PDE1A: variants seen among roughly 807,000 people sequenced by gnomAD.
PDE1A encodes phosphodiesterase 1A.
Under a neutral mutation model 61.7 loss-of-function variants are expected in PDE1A, and 35 were observed. That is an observed-to-expected ratio of 0.57 (90% CI 0.43 to 0.75). The LOEUF (loss-of-function observed/expected upper bound fraction) is 0.75, where lower values mean the gene tolerates loss of function less well. Ranked by LOEUF, PDE1A falls within the 30% of genes least tolerant of loss-of-function variation. The pLI, the probability that PDE1A is intolerant of heterozygous loss-of-function variation, is 0.00. For synonymous variants in PDE1A, 232 were observed against 213.2 expected (o/e 1.09, Z -0.77); for missense variants, 597 against 630.6 (o/e 0.95, Z 0.57).
intron 10 of PDE1A, among the ~76,000 whole-genome samples, chr2:182,191,916 C>T (rs1431997407): frequency 2.6e-5 from 4 of 151,084 alleles, no homozygotes; most frequent in Admixed American, 6.6e-5. Flanking sequence ...AGTGCAATGG[C>T]GCAATCTTGG....
chr2:182,388,369 A>T (rs987491006), intron 1 of PDE1A, among the ~76,000 whole-genome samples: 1 of 152,300 alleles, frequency 6.6e-6, no homozygotes, highest in Middle Eastern at 3.4e-3. Context: ...ACTGCAAAAT[A>T]CACATTCTTC....
At chr2:182,215,997 C>G (rs1166633590) in intron 7 of PDE1A, among the ~76,000 whole-genome samples, 1 of 96,764 alleles carries the variant, frequency 1.0e-5, no homozygotes, top group Non-Finnish European at 2.0e-5. Flanking sequence ...CCTTGATGAA[C>G]ATTGATGCAA....
At chr2:182,157,521 T>C (rs1459143301) in intron 13 of PDE1A, among the ~76,000 whole-genome samples, 1 of 152,220 alleles carries the variant, frequency 6.6e-6, no homozygotes, top group Non-Finnish European at 1.5e-5. Flanking sequence ...AACTCTTCAA[T>C]GCAGAGGGCA....
chr2:182,152,803 A>G (rs1444165672), intron 13 of PDE1A, among the ~76,000 whole-genome samples: 4 of 152,210 alleles, frequency 2.6e-5, no homozygotes, highest in African/African-American at 4.8e-5. Context: ...CGTGAAGGCA[A>G]CAGTAAGAGA....
chr2:182,142,708 T>C (rs1160490150), downstream of PDE1A: 2 of 152,210 alleles, frequency 1.3e-5, no homozygotes, highest in Non-Finnish European at 2.9e-5. Flanking sequence ...AAATACCTCA[T>C]CTTCTGCACA....
chr2:182,536,670 A>T, the PDE1A span, among the ~76,000 whole-genome samples: 1 of 152,220 alleles, frequency 6.6e-6, no homozygotes, highest in East Asian at 1.9e-4. Context: ...ACCATTACAC[A>T]TGTTCTTAAA....
At chr2:182,565,360 G>T in the PDE1A span, among the ~76,000 whole-genome samples, 2 of 152,208 alleles carry the variant, frequency 1.3e-5, no homozygotes, top group Non-Finnish European at 2.9e-5. Flanking sequence ...GGTGGCTGCA[G>T]AACAGCGGAT....
chr2:182,380,225 C>T (rs564684644), intron 1 of PDE1A, among the ~76,000 whole-genome samples: 1 of 151,934 alleles, frequency 6.6e-6, no homozygotes, highest in South Asian at 2.1e-4. Flanking sequence ...ATTCTCCTGC[C>T]TCAGCCTCCC....
At chr2:182,374,551 G>T (rs944671095) in intron 1 of PDE1A, among the ~76,000 whole-genome samples, 6 of 152,068 alleles carry the variant, frequency 3.9e-5, no homozygotes, top group South Asian at 4.1e-4. Context: ...ATTCAAGTAA[G>T]AATTAGAAGA....
At chr2:182,525,852 C>G (rs900085035), upstream of PDE1A, among the ~76,000 whole-genome samples, 3 of 151,954 alleles carry the variant, frequency 2.0e-5, no homozygotes, top group Admixed American at 6.6e-5. Context: ...ATTCAGAACA[C>G]CAAATTCAGA....
At chr2:182,485,702 TAATAC>T (rs1028252037) in intron 2 of PDE1A, among the ~76,000 whole-genome samples, 1 of 151,918 alleles carries the variant, frequency 6.6e-6, no homozygotes, top group East Asian at 1.9e-4. Context: ...AAAAATTAAT[TAATAC>T]AATACATCAC....
intron 2 of PDE1A, among the ~76,000 whole-genome samples, chr2:182,445,213 A>G (rs959711675): frequency 5.9e-5 from 9 of 152,142 alleles, no homozygotes; most frequent in African/African-American, 2.2e-4. Context: ...AAACACAAAT[A>G]TTTCCAAAAG....
At chr2:182,172,590 T>C (rs900986189) in intron 13 of PDE1A, among the ~76,000 whole-genome samples, 1 of 152,046 alleles carries the variant, frequency 6.6e-6, no homozygotes, top group Non-Finnish European at 1.5e-5. Context: ...AACTCTAATT[T>C]GGGTAGGCCT....
At chr2:182,476,131 C>T (rs1459274601) in intron 2 of PDE1A, among the ~76,000 whole-genome samples, 1 of 151,772 alleles carries the variant, frequency 6.6e-6, no homozygotes, top group African/African-American at 2.4e-5. Context: ...GGTGAAATAT[C>T]ACAACAATAA....
intron 1 of PDE1A, among the ~76,000 whole-genome samples, chr2:182,293,735 T>C (rs1227344436): frequency 6.6e-6 from 1 of 152,118 alleles, no homozygotes; most frequent in African/African-American, 2.4e-5. Flanking sequence ...TAGAACAATA[T>C]AACTGTAAGA....
At chr2:182,356,071 T>C (rs1302962556) in intron 1 of PDE1A, among the ~76,000 whole-genome samples, 3 of 152,202 alleles carry the variant, frequency 2.0e-5, no homozygotes, top group Non-Finnish European at 4.4e-5. Context: ...TGAATTATTC[T>C]GCTGAGTGCT....
chr2:182,293,502 A>C (rs1037217403), intron 1 of PDE1A, among the ~76,000 whole-genome samples: 1 of 152,122 alleles, frequency 6.6e-6, no homozygotes, highest in Admixed American at 6.5e-5. Context: ...GGAAAAAAAA[A>C]CACCTATAGC....
At chr2:182,370,730 C>G (rs773013799) in intron 1 of PDE1A, among the ~76,000 whole-genome samples, 14 of 152,104 alleles carry the variant, frequency 9.2e-5, no homozygotes, top group Admixed American at 9.2e-4. Flanking sequence ...GTGTGTGTTA[C>G]AGAAGGACAC....
At chr2:182,461,331 A>G (rs753107437) in intron 2 of PDE1A, among the ~76,000 whole-genome samples, 2 of 152,160 alleles carry the variant, frequency 1.3e-5, no homozygotes, top group Non-Finnish European at 2.9e-5. Context: ...AATTGTTTCC[A>G]TCGAAAAATT....
Sources: allele counts gnomAD v4.1 joint callset (sites outside exome capture counted in the v4.1 genomes callset), GRCh38; gene constraint gnomAD v4.1.1; transcripts MANE v1.5; gene names NCBI Gene and HGNC (gene_info 2026-07-23, HGNC 2026-07-21).